The following PCNT variants were observed in gnomAD, a reference collection of about 807,000 sequenced individuals.
The protein encoded by PCNT is kendrin.
In PCNT, 319 loss-of-function variants were observed where a neutral mutation model predicts 380.4. That is an observed-to-expected ratio of 0.84 (90% CI 0.77 to 0.92). PCNT has a LOEUF of 0.92. PCNT is among the 40% of genes least tolerant of loss of function. The pLI is 0.00. For missense variants in PCNT, 4,400 were observed against 4,255.3 expected (o/e 1.03, Z -0.95); for synonymous variants, 1,845 against 1,735.2 (o/e 1.06, Z -1.57).
intron 27 of PCNT, 107 bp from the exon 28 acceptor site, chr21:46,411,082 A>G: frequency 1.7e-6 from 2 of 1,153,884 alleles, no homozygotes; most frequent in South Asian, 1.2e-5. Flanking sequence ...TTTTCACGCT[A>G]TGGAGTCTTC....
At chr21:46,347,314 A>G (rs769374385) in intron 5 of PCNT, 143 bp from the exon 6 acceptor site, 592 of 834,396 alleles carry the variant, frequency 7.1e-4, no homozygotes, top group Non-Finnish European at 9.4e-4. Flanking sequence ...ATTAAAGCCA[A>G]GCATCATCAC....
chr21:46,435,795 G>C, intron 38 of PCNT, 109 bp from the exon 39 acceptor site: 1 of 1,276,550 alleles, frequency 7.8e-7, no homozygotes, highest in Middle Eastern at 2.1e-4. Context: ...GCCCGCCTCG[G>C]CCTCCCAAAG....
chr21:46,423,837 G>GGGAGA (rs2087374369), intron 32 of PCNT, among the ~76,000 whole-genome samples: 1 of 142,890 alleles, frequency 7.0e-6, no homozygotes, highest in Non-Finnish European at 1.5e-5. Context: ...GGAGGGGGAG[G>GGGAGA]GGAGAGGGGA....
At position 46,334,771 on chromosome 21, in the gene PCNT, A is replaced by G; in HGVS notation, c.639+3A>G. The G allele has an allele frequency of 1.2e-6, 2 of 1,614,218 alleles. No individual in the cohort carries two copies. Among genetic ancestry groups the G allele is most frequent in the South Asian group, 2.2e-5 (2 of 91,086 alleles). ...AACAGCGTGGGATGTTCACAAAGGT[A>G]TTCTTTAAGTTCTCTGTTAAGGTGT... On this transcript the variant is annotated splice_donor_region_variant and intron_variant, in intron 3 of 46. Coordinates refer to ENST00000359568, the MANE Select transcript of PCNT (RefSeq NM_006031.6).
chr21:46,424,494 T>C (rs2087404457), intron 32 of PCNT, among the ~76,000 whole-genome samples: 1 of 152,254 alleles, frequency 6.6e-6, no homozygotes, highest in African/African-American at 2.4e-5. Flanking sequence ...GGAACCCACC[T>C]GCAAGGGCCC....
intron 11 of PCNT, among the ~76,000 whole-genome samples, 183 bp downstream of exon 11, chr21:46,354,251 A>G (rs575892291): frequency 6.6e-6 from 1 of 152,202 alleles, no homozygotes; most frequent in South Asian, 2.1e-4. Flanking sequence ...GCACTGTTTG[A>G]TCAGGAAAGG....
intron 3 of PCNT, among the ~76,000 whole-genome samples, chr21:46,344,057 T>A (rs942894851): frequency 4.6e-5 from 7 of 151,592 alleles, no homozygotes; most frequent in Non-Finnish European, 8.8e-5. Flanking sequence ...TGTTTATCTT[T>A]TCTTTTCTTT....
At position 46,411,578 on chromosome 21, in the gene PCNT, G is replaced by A. The variant is rs371858387; in HGVS notation, c.5505G>A (p.Leu1835=). Residue 1835 remains leucine, a synonymous_variant, in exon 28 of 47, where the codon CTG becomes CTA. Coordinates refer to ENST00000359568, the MANE Select transcript of PCNT (RefSeq NM_006031.6). ...CAGAGGAGGCTGCGGAGCTACAGCTGGCTGAGCTGGAGCGCAATGTAGCCC... is the reference window on the plus strand; with the variant it reads ...CAGAGGAGGCTGCGGAGCTACAGCTAGCTGAGCTGGAGCGCAATGTAGCCC... ...QGAEEAAELQ[L]AELERNVALR... The A allele has an allele frequency of 2.3e-5, 37 of 1,612,808 alleles. No homozygotes were observed. In the African/African-American group the frequency reaches 4.4e-4, roughly 19 times the overall value.
intron 15 of PCNT, among the ~76,000 whole-genome samples, chr21:46,371,855 C>T (rs2085140897): frequency 6.7e-6 from 1 of 149,274 alleles, no homozygotes; most frequent in African/African-American, 2.5e-5. Context: ...CACATGTGCA[C>T]ACAGCATGTG....
chr21:46,351,060 A>T (rs1339680396), intron 8 of PCNT, among the ~76,000 whole-genome samples: 1 of 151,964 alleles, frequency 6.6e-6, no homozygotes, highest in East Asian at 1.9e-4. Context: ...GGCTAGTAAG[A>T]CTCCCTAAAT....
intron 16 of PCNT, among the ~76,000 whole-genome samples, chr21:46,384,246 G>A (rs1252248481): frequency 2.8e-5 from 4 of 145,378 alleles, no homozygotes; most frequent in Admixed American, 1.4e-4. Context: ...TGGCGGAAGC[G>A]CATTCACAGT....
intron 14 of PCNT, among the ~76,000 whole-genome samples, chr21:46,365,224 T>TTCACTGCCGTGGGGTTCTGA (rs2084858820): frequency 6.8e-6 from 1 of 147,868 alleles, no homozygotes; most frequent in Non-Finnish European, 1.5e-5. Flanking sequence ...TGGGGTTCTG[T>TTCACTGCCGTGGGGTTCTGA]TCACTGCCGT....
rs1430580831 is a variant in PCNT, at chr21:46,412,824, C to G, written c.5995-13C>G. 10 of 1,609,646 alleles carry G rather than the reference C, an allele frequency of 6.2e-6. No homozygotes were observed. The highest frequency in any genetic ancestry group is 1.3e-5 in the African/African-American group (1 of 74,942). On this transcript the variant is annotated splice_polypyrimidine_tract_variant and intron_variant, in intron 28 of 46. Coordinates refer to ENST00000359568, the MANE Select transcript of PCNT (RefSeq NM_006031.6). ...TCCTGCATGCTCAGCTTTCCTCTGT[C>G]TCCTCTGTCAAGGGTGATCTGCAGC...
chr21:46,388,640 G>T lies in PCNT; in HGVS notation c.3465-102G>T. The stretch of plus-strand genomic sequence containing the variant: ...GGCCCCGTGGGGACAGGCAGCCGTG[G>T]GCCGAGGTGTGCAAACTGGTGGGCG... On this transcript the variant is annotated intron_variant, in intron 17 of 46. Transcript: ENST00000359568. This position sits in a 1 kb window ranked among gnomAD's most constrained non-coding sequence, Gnocchi z 4.2. 1 of 1,449,946 alleles carries T rather than the reference G, an allele frequency of 6.9e-7. No homozygotes were observed. Among genetic ancestry groups the T allele is most frequent in the African/African-American group, 1.4e-5 (1 of 72,078 alleles). The allele number at this position is 1,449,946 out of a possible 1,614,324, so 89.8% of individuals were successfully genotyped here. A position where few individuals can be genotyped will look rare whatever the true frequency, so the allele number is the denominator to read the frequency against.
Position 46,347,474 on chromosome 21 carries a change from T to C in PCNT, c.994T>C (p.Leu332=). Residue 332 remains leucine (L), a synonymous_variant, in exon 6 of 47, where the codon TTA becomes CTA. Transcript: ENST00000359568. ...TCTTGCAGCTGAGCTGAAGGAGAAG[T>C]TACAATCAGAAATGGAGAAAAACGC... The part of the protein sequence containing the change: ...GQEAAELKEK[L]QSEMEKNAQI... 2 of 1,613,884 alleles carry C rather than the reference T, an allele frequency of 1.2e-6. No homozygotes were observed. Among genetic ancestry groups the C allele is most frequent in the African/African-American group, 1.3e-5 (1 of 74,934 alleles).
intron 45 of PCNT, 61 bp downstream of exon 45, chr21:46,444,009 G>A: frequency 6.4e-7 from 1 of 1,551,238 alleles, no homozygotes. Flanking sequence ...CCTACATAGG[G>A]CCTCAGAGAA....
rs191398308 is a variant in PCNT at position 46,441,908 on chromosome 21, G to A, written c.9624-589G>A. On this transcript the variant is annotated intron_variant, in intron 43 of 46. Transcript: ENST00000359568. ...CCTTGACAGGTCTTATGGAGGAATC[G>A]GCAGTGTCTGCTATGCCTCAAAGGA... 3.0e-3 allele frequency among the ~76,000 whole-genome samples: 462 copies of A among 152,228 alleles called. 3 individuals are homozygous for A. The highest frequency in any genetic ancestry group is 4.4e-3 in the Non-Finnish European group (297 of 67,986).
intron 41 of PCNT, 133 bp from the exon 42 acceptor site, chr21:46,439,949 AG>A: frequency 1.0e-6 from 1 of 998,912 alleles, no homozygotes; most frequent in Non-Finnish European, 1.6e-6. Flanking sequence ...GAAGTTGAGG[AG>A]GGGCCAGGTG....
chr21:46,324,314 C>T lies in PCNT; in HGVS notation c.54+32C>T, dbSNP rs114465946. The T allele has an allele frequency of 5.4e-5, 85 of 1,573,248 alleles. No individual in the cohort carries two copies. The African/African-American group carries it at 1.1e-3, about 20-fold the overall frequency. ...ATTAGGGGCTTCTTCTCTAGCTGCT[C>T]TGGCGTGAAGTCCTAAGGGCGGCTC... is the stretch of plus-strand genomic sequence containing the variant. On this transcript the variant is annotated intron_variant, in intron 1 of 46. Coordinates refer to ENST00000359568, the MANE Select transcript of PCNT (RefSeq NM_006031.6).
Sources: allele counts gnomAD v4.1 joint callset (sites outside exome capture counted in the v4.1 genomes callset), GRCh38; gene constraint gnomAD v4.1.1; non-coding constraint Gnocchi (gnomAD v3.1); transcripts MANE v1.5; gene names NCBI Gene and HGNC (gene_info 2026-07-23, HGNC 2026-07-21).